The following MVB12B variants were observed in gnomAD, a reference collection of about 807,000 sequenced individuals.
MVB12B encodes the protein multivesicular body subunit 12B.
Under a neutral mutation model 41.6 loss-of-function variants are expected in MVB12B, and 16 were observed. The ratio of observed to expected loss-of-function variants is 0.38; its 90% CI spans 0.26 to 0.58. MVB12B has a LOEUF of 0.58. MVB12B is among the 20% of genes least tolerant of loss of function. The pLI is 0.62. For missense variants in MVB12B, 274 were observed against 380.2 expected (o/e 0.72, Z 2.32); for synonymous variants, 133 against 139.7 (o/e 0.95, Z 0.34).
intron 1 of MVB12B, among the ~76,000 whole-genome samples, chr9:126,334,059 G>A (rs1382641154): frequency 6.6e-6 from 1 of 152,158 alleles, no homozygotes; most frequent in African/African-American, 2.4e-5. Context: ...CCGTTTTAAC[G>A]ACCTCTTCTG....
chr9:126,384,510 C>T (rs887756915), intron 3 of MVB12B, among the ~76,000 whole-genome samples: 2 of 152,056 alleles, frequency 1.3e-5, no homozygotes, highest in Non-Finnish European at 2.9e-5. Flanking sequence ...TCTCAGCAAA[C>T]TCAACTTGAT....
rs548849369 is a variant in MVB12B at position 126,491,508 on chromosome 9, G to A, written c.873+7476G>A. On this transcript the variant is annotated intron_variant, in intron 9 of 9. Coordinates refer to ENST00000361171, the MANE Select transcript of MVB12B (RefSeq NM_033446.3). ...TCTAGTGGTAGGATCTTAAACTGCA[G>A]CAGGAAATAAGGTGCCTTTTCTCTG... is the stretch of plus-strand genomic sequence containing the variant. 2.6e-4 allele frequency among the ~76,000 whole-genome samples: 39 copies of A among 152,264 alleles called. No individual in the cohort carries two copies. The South Asian group carries it at 6.2e-3, about 24-fold the overall frequency.
At chr9:126,343,003 C>T (rs1373811709) in intron 2 of MVB12B, among the ~76,000 whole-genome samples, 2 of 152,170 alleles carry the variant, frequency 1.3e-5, no homozygotes, top group African/African-American at 2.4e-5. Flanking sequence ...CGCAGCCCTG[C>T]GAGTTAGGCA....
At chr9:126,354,209 G>C (rs551348421) in intron 2 of MVB12B, among the ~76,000 whole-genome samples, 3 of 152,056 alleles carry the variant, frequency 2.0e-5, no homozygotes, top group Non-Finnish European at 4.4e-5. Context: ...TATATATTCT[G>C]TGTATTGGTT....
At chr9:126,353,016 T>A (rs1829794567) in intron 2 of MVB12B, among the ~76,000 whole-genome samples, 1 of 152,188 alleles carries the variant, frequency 6.6e-6, no homozygotes, top group African/African-American at 2.4e-5. Context: ...AAAGGCTGTT[T>A]GCAGGAGGGA....
chr9:126,467,125 C>T (rs1204490197), intron 7 of MVB12B, among the ~76,000 whole-genome samples: 2 of 152,138 alleles, frequency 1.3e-5, no homozygotes, highest in African/African-American at 4.8e-5. Context: ...AGAGCCACTG[C>T]GCCCAGCCGG....
intron 6 of MVB12B, among the ~76,000 whole-genome samples, chr9:126,405,367 G>A (rs539099715): frequency 6.6e-6 from 1 of 152,138 alleles, no homozygotes; most frequent in African/African-American, 2.4e-5. Flanking sequence ...TTTTGAGAAA[G>A]GCTTTTTTCA....
intron 2 of MVB12B, among the ~76,000 whole-genome samples, chr9:126,358,991 A>T (rs1217714123): frequency 6.6e-6 from 1 of 152,088 alleles, no homozygotes; most frequent in Non-Finnish European, 1.5e-5. Context: ...ATACATGGAT[A>T]TTGAATTTCA....
Position 126,436,765 on chromosome 9 carries a change from T to G in MVB12B, c.757+14817T>G, listed in dbSNP as rs1832489950. On this transcript the variant is annotated intron_variant, in intron 7 of 9. Transcript: ENST00000361171. This position sits in a 1 kb window ranked among gnomAD's most constrained non-coding sequence, Gnocchi z 4.1. ...GGCCCCTGCAGAGCCTAAGGGGCAC[T>G]CCACTCATGAGTCATGAACTAGTAA... Among the ~76,000 whole-genome samples the G allele has an allele frequency of 6.6e-6, 1 of 152,202 alleles. No individual in the cohort carries two copies. The highest frequency in any genetic ancestry group is 2.1e-4 in the South Asian group (1 of 4,828).
chr9:126,344,324 A>C (rs1308104342), intron 2 of MVB12B, among the ~76,000 whole-genome samples: 1 of 152,246 alleles, frequency 6.6e-6, no homozygotes, highest in Non-Finnish European at 1.5e-5. Flanking sequence ...TAGATGATTT[A>C]TCTTTCAGAT....
At chr9:126,428,744 C>G (rs920040775) in intron 7 of MVB12B, among the ~76,000 whole-genome samples, 3 of 152,132 alleles carry the variant, frequency 2.0e-5, no homozygotes, top group Middle Eastern at 3.2e-3. Context: ...TTCTCCTTTT[C>G]CCTGTGCTCG....
Position 126,443,110 on chromosome 9 carries a change from C to T in MVB12B, c.757+21162C>T, listed in dbSNP as rs559944748. 5.9e-5 allele frequency among the ~76,000 whole-genome samples: 9 copies of T among 152,266 alleles called. No individual in the cohort carries two copies. In the South Asian group the frequency reaches 1.9e-3, roughly 32 times the overall value. ...CAACCCATCAAGAGTTTGTGTCCTCCTGGGGTGTTTGGGAGAGCTCAGGGA... is the reference window on the plus strand; with the variant it reads ...CAACCCATCAAGAGTTTGTGTCCTCTTGGGGTGTTTGGGAGAGCTCAGGGA... On this transcript the variant is annotated intron_variant, in intron 7 of 9. Transcript: ENST00000361171.
chr9:126,484,282 TGACA>T (rs1833588605), intron 9 of MVB12B, among the ~76,000 whole-genome samples: 1 of 152,260 alleles, frequency 6.6e-6, no homozygotes, highest in African/African-American at 2.4e-5. Context: ...ATGTTTTACA[TGACA>T]GACAGAGCCT....
intron 7 of MVB12B, among the ~76,000 whole-genome samples, chr9:126,426,555 C>T (rs1832182508): frequency 6.6e-6 from 1 of 152,092 alleles, no homozygotes; most frequent in South Asian, 2.1e-4. Context: ...CTATTTTAGT[C>T]CCAAATGGTG....
chr9:126,407,417 C>T (rs1831472703), intron 6 of MVB12B, among the ~76,000 whole-genome samples: 1 of 152,148 alleles, frequency 6.6e-6, no homozygotes, highest in African/African-American at 2.4e-5. Context: ...TTTCCTGTCA[C>T]GTTCAATAGG....
intron 7 of MVB12B, among the ~76,000 whole-genome samples, chr9:126,466,842 T>C (rs1325588846): frequency 6.6e-6 from 1 of 151,914 alleles, no homozygotes; most frequent in Non-Finnish European, 1.5e-5. Flanking sequence ...TTTTTTTTTC[T>C]TTTGAGACAG....
chr9:126,472,319 C>T (rs1236540850), intron 7 of MVB12B, among the ~76,000 whole-genome samples: 1 of 151,742 alleles, frequency 6.6e-6, no homozygotes, highest in African/African-American at 2.4e-5. Context: ...AGCTATAATC[C>T]CATCTCGTTG....
At chr9:126,338,988 C>T (rs749439619) in intron 1 of MVB12B, among the ~76,000 whole-genome samples, 2 of 152,118 alleles carry the variant, frequency 1.3e-5, no homozygotes, top group African/African-American at 2.4e-5. Flanking sequence ...CAGTGTGGTA[C>T]CCCCTGCCCT....
At chr9:126,460,225 G>A (rs1253729222) in intron 7 of MVB12B, among the ~76,000 whole-genome samples, 1 of 152,200 alleles carries the variant, frequency 6.6e-6, no homozygotes, top group East Asian at 1.9e-4. Flanking sequence ...CAGGTGACCA[G>A]CACTCACTGC....
Sources: gnomAD v4.1 joint callset for allele counts (sites outside exome capture counted in the v4.1 genomes callset) on GRCh38, gnomAD v4.1.1 for gene constraint, Gnocchi (gnomAD v3.1) non-coding constraint, MANE v1.5 for transcripts, NCBI Gene and HGNC (gene_info 2026-07-23, HGNC 2026-07-21) for gene names.